UPF2: variants seen among roughly 807,000 people sequenced by gnomAD.
The protein encoded by UPF2 is regulator of nonsense transcripts 2.
A neutral mutation model predicts 141.4 loss-of-function variants in UPF2; 17 were observed. That is an observed-to-expected ratio of 0.12 (90% CI 0.08 to 0.18). The LOEUF (loss-of-function observed/expected upper bound fraction) is 0.18. Ranked by LOEUF, UPF2 falls within the 10% of genes least tolerant of loss-of-function variation. UPF2 has a pLI of 1.00. For missense variants in UPF2, 1,152 were observed against 1,515.9 expected (o/e 0.76, Z 3.99); for synonymous variants, 540 against 498.0 (o/e 1.08, Z -1.12).
chr10:12,031,666 C>G (rs1311968320), intron 2 of UPF2, among the ~76,000 whole-genome samples: 1 of 152,022 alleles, frequency 6.6e-6, no homozygotes, highest in Non-Finnish European at 1.5e-5. Flanking sequence ...GTCCCAGTTA[C>G]TTGGGAGGCT....
rs140933182 is a variant in UPF2, at chr10:11,951,528, C to T, written c.3034+538G>A. 3.4e-3 allele frequency among the ~76,000 whole-genome samples: 520 copies of T among 152,260 alleles called. 1 individual carries two copies. The highest frequency in any genetic ancestry group is 0.012 in the African/African-American group (499 of 41,556). Reference sequence around the variant, plus strand: ...AGTTAACTCTTCTCCCCAAAACAACCTCAGGATACTAAAGTATATAGAGAA... The same window carrying T: ...AGTTAACTCTTCTCCCCAAAACAACTTCAGGATACTAAAGTATATAGAGAA... On this transcript the variant is annotated intron_variant, in intron 15 of 21. Transcript: ENST00000357604.
intron 1 of UPF2, chr10:12,035,971 C>G (rs995440795): frequency 1.3e-5 from 2 of 152,254 alleles, no homozygotes; most frequent in Non-Finnish European, 2.9e-5. Context: ...ACTCACGAAT[C>G]TCACTTCATT....
intron 14 of UPF2, among the ~76,000 whole-genome samples, chr10:11,954,424 A>G (rs928957521): frequency 1.3e-4 from 20 of 152,036 alleles, no homozygotes; most frequent in Non-Finnish European, 2.6e-4. Flanking sequence ...ACCTGAGGTC[A>G]GGAGTTCAAG....
intron 18 of UPF2, among the ~76,000 whole-genome samples, chr10:11,938,006 T>C (rs1832875571): frequency 1.3e-5 from 2 of 152,220 alleles, no homozygotes; most frequent in Non-Finnish European, 2.9e-5. Flanking sequence ...ATGTCCATAC[T>C]AACTCCTCCA....
Position 11,956,186 on chromosome 10 carries a change from C to G in UPF2, c.2574+134G>C. On this transcript the variant is annotated intron_variant, in intron 13 of 21. Transcript: ENST00000357604. The surrounding 1 kb of genome is among the most constrained non-coding windows in gnomAD (Gnocchi z 4.2). ...AAGAGGAAAGTGTTTACAGGAAATTCTTATAAAATGATTATCAGCTTTTTC... is the reference window on the plus strand; with the variant it reads ...AAGAGGAAAGTGTTTACAGGAAATTGTTATAAAATGATTATCAGCTTTTTC... The G allele has an allele frequency of 2.5e-6, 2 of 806,836 alleles. No individual in the cohort carries two copies. The highest frequency in any genetic ancestry group is 3.9e-6 in the Non-Finnish European group (2 of 514,228). The allele number at this position is 806,836 out of a possible 1,614,324, so 50.0% of individuals were successfully genotyped here.
chr10:11,967,639 TC>T (rs1391500791), intron 9 of UPF2, among the ~76,000 whole-genome samples, 185 bp from the exon 10 acceptor site: 1 of 143,340 alleles, frequency 7.0e-6, no homozygotes, highest in African/African-American at 2.6e-5. Context: ...AACCTCCGCC[TC>T]CTGGGTTCAA....
In UPF2 at chr10:11,980,768, A is replaced by G. The variant is rs1418572921; in HGVS notation, c.1845-1603T>C. On this transcript the variant is annotated intron_variant, in intron 8 of 21. Coordinates refer to ENST00000357604, the MANE Select transcript of UPF2 (RefSeq NM_015542.4). This position sits in a 1 kb window ranked among gnomAD's most constrained non-coding sequence, Gnocchi z 4.2. ...TTATTGCTGAGCACATCACTGTACC[A>G]TACAATAATATATGAAAATGTTTGA... Among the ~76,000 whole-genome samples the G allele has an allele frequency of 3.9e-5, 6 of 152,190 alleles. No individual in the cohort carries two copies. Among genetic ancestry groups the G allele is most frequent in the African/African-American group, 7.2e-5 (3 of 41,454 alleles).
chr10:11,993,812 A>G lies in UPF2; in HGVS notation c.1844+3860T>C, dbSNP rs138291912. Among the ~76,000 whole-genome samples, 629 of 143,202 alleles carry G rather than the reference A, an allele frequency of 4.4e-3. 5 individuals carry two copies. Among genetic ancestry groups the G allele is most frequent in the African/African-American group, 0.015 (593 of 39,664 alleles). 93.9% of individuals were successfully genotyped at this position (143,202 alleles called of 152,430 possible). On this transcript the variant is annotated intron_variant, in intron 8 of 21. Coordinates refer to ENST00000357604, the MANE Select transcript of UPF2 (RefSeq NM_015542.4). ...AATATAACAAGACCTCGACCCTACCAAAAAAAAAAAATTAATTAATGTAAA... is the reference window on the plus strand; with the variant it reads ...AATATAACAAGACCTCGACCCTACCGAAAAAAAAAAATTAATTAATGTAAA...
At chr10:11,928,342 AAAG>A (rs1168038050) in intron 21 of UPF2, among the ~76,000 whole-genome samples, 2 of 152,012 alleles carry the variant, frequency 1.3e-5, no homozygotes, top group Non-Finnish European at 2.9e-5. Context: ...GTCTCAAAAA[AAAG>A]AACAAAATTA....
At chr10:11,954,078 T>C (rs377176838) in intron 14 of UPF2, among the ~76,000 whole-genome samples, 5 of 152,200 alleles carry the variant, frequency 3.3e-5, no homozygotes, top group Non-Finnish European at 7.3e-5. Flanking sequence ...TTGTATTTTA[T>C]GGGAAATAGT....
At chr10:12,011,396 G>A (rs990876784) in intron 4 of UPF2, among the ~76,000 whole-genome samples, 5 of 152,088 alleles carry the variant, frequency 3.3e-5, no homozygotes, top group South Asian at 2.1e-4. Flanking sequence ...CTCAAAGTTC[G>A]AGACCAGCCT....
At chr10:11,951,908 G>T in intron 15 of UPF2, 158 bp downstream of exon 15, 1 of 657,328 alleles carries the variant, frequency 1.5e-6, no homozygotes, top group Non-Finnish European at 2.5e-6. Flanking sequence ...GTGAAATCAA[G>T]CACACCACAC....
intron 1 of UPF2, among the ~76,000 whole-genome samples, chr10:12,040,656 AAAC>A (rs1834720800): frequency 6.6e-6 from 1 of 152,190 alleles, no homozygotes; most frequent in South Asian, 2.1e-4. Flanking sequence ...CAACTTGTGA[AAAC>A]AACATACATG....
In UPF2 at chr10:11,939,799, G is replaced by A. The variant is rs1030984381; in HGVS notation, c.3378+2866C>T. 6.6e-6 allele frequency among the ~76,000 whole-genome samples: 1 copy of A among 152,186 alleles called. No individual in the cohort carries two copies. Among genetic ancestry groups the A allele is most frequent in the Non-Finnish European group, 1.5e-5 (1 of 68,032 alleles). ...CCCAAAGTGCTGGGATTACAGGTGT[G>A]AGCCACAGTGCCCAGCCATGTTTTC... On this transcript the variant is annotated intron_variant, in intron 18 of 21. Transcript: ENST00000357604. The surrounding 1 kb of genome is among the most constrained non-coding windows in gnomAD (Gnocchi z 4.8).
Position 12,029,431 on chromosome 10 carries a change from G to A in UPF2, c.459C>T (p.Asp153=), listed in dbSNP as rs147442570. The change falls in exon 3 of 22, where the codon GAC becomes GAT. Residue 153 remains aspartate, a synonymous_variant. Transcript: ENST00000357604. ...ELRSKNQNAP[D]SRPEENFFSR... ...TGAAGAAGTTTTCCTCTGGTCGGCT[G>A]TCCGGAGCATTTTGGTTTTTGCTAC... The A allele has an allele frequency of 1.3e-5, 21 of 1,613,884 alleles. No individual in the cohort carries two copies. In the African/African-American group the frequency reaches 2.7e-4, roughly 21 times the overall value.
intron 4 of UPF2, among the ~76,000 whole-genome samples, chr10:12,006,822 T>C (rs1007437825): frequency 2.6e-5 from 4 of 152,180 alleles, no homozygotes; most frequent in African/African-American, 9.7e-5. Flanking sequence ...ATAACAAGCT[T>C]TTTGATCCTA....
At chr10:11,976,234 A>G (rs1474566884) in intron 9 of UPF2, among the ~76,000 whole-genome samples, 3 of 152,216 alleles carry the variant, frequency 2.0e-5, no homozygotes, top group African/African-American at 7.2e-5. Flanking sequence ...GGGGAAAAAC[A>G]TACCAGACTG....
intron 20 of UPF2, among the ~76,000 whole-genome samples, chr10:11,930,247 T>C (rs1211673498): frequency 6.6e-6 from 1 of 152,198 alleles, no homozygotes; most frequent in African/African-American, 2.4e-5. Flanking sequence ...TAGAAAAGCC[T>C]AAGAGGCAGT....
At chr10:11,989,030 T>C (rs945552851) in intron 8 of UPF2, among the ~76,000 whole-genome samples, 4 of 152,126 alleles carry the variant, frequency 2.6e-5, no homozygotes, top group Non-Finnish European at 4.4e-5. Flanking sequence ...GAAATGCACC[T>C]GGAAGTGAAG....
Sources: allele counts gnomAD v4.1 joint callset (sites outside exome capture counted in the v4.1 genomes callset), GRCh38; gene constraint gnomAD v4.1.1; non-coding constraint Gnocchi (gnomAD v3.1); transcripts MANE v1.5; gene names NCBI Gene and HGNC (gene_info 2026-07-23, HGNC 2026-07-21).